The following IKZF2 variants were observed in gnomAD, a reference collection of about 807,000 sequenced individuals.
The protein encoded by IKZF2 is IKAROS family zinc finger 2.
A neutral mutation model predicts 49.2 loss-of-function variants in IKZF2; 15 were observed. That is an observed-to-expected ratio of 0.30 (90% CI 0.20 to 0.47). IKZF2 has a LOEUF of 0.47. Among genes scored for constraint, IKZF2 ranks in the 20% least tolerant of loss-of-function variants. The pLI is 1.00. For synonymous variants in IKZF2, 227 were observed against 221.4 expected (o/e 1.03, Z -0.23); for missense variants, 567 against 664.6 (o/e 0.85, Z 1.61).
At chr2:213,119,670 T>C (rs1458249694) in intron 4 of IKZF2, among the ~76,000 whole-genome samples, 2 of 152,166 alleles carry the variant, frequency 1.3e-5, no homozygotes, top group Non-Finnish European at 2.9e-5. Context: ...CTCTGAGTTA[T>C]AAGAATATGC....
At position 213,137,672 on chromosome 2, in the gene IKZF2, T is replaced by C. The variant is rs367564427; in HGVS notation, c.139+10036A>G. Among the ~76,000 whole-genome samples the C allele has an allele frequency of 6.6e-5, 10 of 152,236 alleles. No individual in the cohort carries two copies. The East Asian group carries it at 1.7e-3, about 26-fold the overall frequency. On this transcript the variant is annotated intron_variant, in intron 4 of 8. Transcript: ENST00000434687. ...AATAATAAGCATATTGGCATAAGTC[T>C]GATTAGAAGACCTATAAGATATTTC...
intron 6 of IKZF2, among the ~76,000 whole-genome samples, chr2:213,045,343 C>A (rs866736954): frequency 1.3e-5 from 2 of 152,196 alleles, no homozygotes; most frequent in South Asian, 2.1e-4. Context: ...TAGCCACTGA[C>A]ACTAGGTATG....
chr2:213,036,850 C>T (rs767849252), intron 6 of IKZF2, among the ~76,000 whole-genome samples: 4 of 152,016 alleles, frequency 2.6e-5, no homozygotes, highest in Non-Finnish European at 5.9e-5. Context: ...TGTGGATGAA[C>T]AGGTTTCTTT....
At chr2:213,064,664 A>C (rs550268733) in intron 4 of IKZF2, among the ~76,000 whole-genome samples, 1 of 152,172 alleles carries the variant, frequency 6.6e-6, no homozygotes, top group East Asian at 1.9e-4. Context: ...ACAGCAGTCT[A>C]TCCCTTTATC....
intron 6 of IKZF2, among the ~76,000 whole-genome samples, chr2:213,048,855 T>C (rs1309981983): frequency 1.3e-5 from 2 of 152,008 alleles, no homozygotes; most frequent in Non-Finnish European, 2.9e-5. Context: ...TTTGTCAATG[T>C]AGATTAAAAT....
intron 6 of IKZF2, among the ~76,000 whole-genome samples, chr2:213,035,164 A>T (rs942767616): frequency 6.6e-6 from 1 of 152,202 alleles, no homozygotes; most frequent in Admixed American, 6.5e-5. Context: ...TACCTAACTC[A>T]CAGCATTTCT....
chr2:213,008,169 C>T (rs906006809), intron 8 of IKZF2, 85 bp from the exon 9 acceptor site: 128 of 1,400,486 alleles, frequency 9.1e-5, no homozygotes, highest in Non-Finnish European at 1.1e-4. Flanking sequence ...TGAAAGGGTA[C>T]GAAGTTGACT....
intron 4 of IKZF2, among the ~76,000 whole-genome samples, chr2:213,065,974 T>A (rs1301609305): frequency 6.6e-6 from 1 of 152,136 alleles, no homozygotes. Flanking sequence ...AAGCCTGTTT[T>A]GGAAGAAGAC....
At chr2:213,015,154 T>C (rs1013428297) in intron 7 of IKZF2, 2 of 152,038 alleles carry the variant, frequency 1.3e-5, no homozygotes, top group African/African-American at 4.8e-5. Flanking sequence ...GTTACCAATT[T>C]TGAAGAAAAT....
intron 4 of IKZF2, among the ~76,000 whole-genome samples, chr2:213,086,796 G>T (rs946795075): frequency 6.6e-6 from 1 of 152,074 alleles, no homozygotes; most frequent in Admixed American, 6.6e-5. Context: ...GGGAGTGGAG[G>T]GGGGAGGAAA....
In IKZF2 at chr2:213,021,193, G is replaced by A. The variant is rs555555769; in HGVS notation, c.712+800C>T. 1.3e-4 allele frequency among the ~76,000 whole-genome samples: 19 copies of A among 151,654 alleles called. No individual in the cohort carries two copies. The South Asian group carries it at 3.5e-3, about 28-fold the overall frequency. On this transcript the variant is annotated intron_variant, in intron 7 of 8. Transcript: ENST00000434687. ...GTGCCACTGCACTCCAGCCTGGGTG[G>A]CAAAGTGAGAGTCCATCTCAAAAAA...
intron 4 of IKZF2, among the ~76,000 whole-genome samples, chr2:213,066,016 A>G (rs1702132152): frequency 6.6e-6 from 1 of 152,094 alleles, no homozygotes; most frequent in Non-Finnish European, 1.5e-5. Context: ...CTGAGCGTGG[A>G]TTTTATTTCA....
intron 6 of IKZF2, among the ~76,000 whole-genome samples, chr2:213,035,618 GTTGAC>G (rs1698943946): frequency 6.6e-6 from 1 of 152,166 alleles, no homozygotes; most frequent in Non-Finnish European, 1.5e-5. Flanking sequence ...CGCTGAAGGT[GTTGAC>G]TTCTAGGATC....
intron 4 of IKZF2, among the ~76,000 whole-genome samples, chr2:213,101,675 A>G (rs894385538): frequency 2.0e-5 from 3 of 152,206 alleles, no homozygotes; most frequent in Non-Finnish European, 2.9e-5. Flanking sequence ...AACGTCTTAT[A>G]ACAATCAGCT....
rs1415438221 is a variant in IKZF2 at position 213,124,248 on chromosome 2, GCGCGCACACACACACACA to G, written c.139+23442_139+23459del. 1.6e-3 allele frequency among the ~76,000 whole-genome samples: 187 copies of G among 115,538 alleles called. 1 individual carries two copies. The highest frequency in any genetic ancestry group is 6.4e-3 in the African/African-American group (169 of 26,402). 75.8% of individuals were successfully genotyped at this position (115,538 alleles called of 152,430 possible). On this transcript the variant is annotated intron_variant, in intron 4 of 8. Coordinates refer to ENST00000434687, the MANE Select transcript of IKZF2 (RefSeq NM_001387220.1). ...TGCACGCACACATGCGCTCGCGCGCGCGCGCACACACACACACACACACACACACACACACACACACAC... is the reference window on the plus strand; with the variant it reads ...TGCACGCACACATGCGCTCGCGCGCGCACACACACACACACACACACACAC...
At chr2:213,129,808 T>C (rs2060412827) in intron 4 of IKZF2, among the ~76,000 whole-genome samples, 1 of 152,200 alleles carries the variant, frequency 6.6e-6, no homozygotes, top group South Asian at 2.1e-4. Flanking sequence ...AAAGTTACAG[T>C]AGCGGGCCTG....
At chr2:213,074,703 TC>T (rs1703072565) in intron 4 of IKZF2, among the ~76,000 whole-genome samples, 1 of 152,172 alleles carries the variant, frequency 6.6e-6, no homozygotes, top group African/African-American at 2.4e-5. Flanking sequence ...TCACTAAGAA[TC>T]TAGATTCTGT....
In IKZF2 at chr2:213,052,204, G is replaced by A. The variant is rs79626641; in HGVS notation, c.407-2324C>T. Among the ~76,000 whole-genome samples, 210 of 151,958 alleles carry A rather than the reference G, an allele frequency of 1.4e-3. 3 individuals are homozygous for A. In the East Asian group the frequency reaches 0.034, roughly 24 times the overall value. The stretch of plus-strand genomic sequence containing the variant: ...ATTTATATGATCATCCCCAAATGGC[G>A]TAGAATAAACAAAAGGTAGTCTAGG... On this transcript the variant is annotated intron_variant, in intron 5 of 8. Coordinates refer to ENST00000434687, the MANE Select transcript of IKZF2 (RefSeq NM_001387220.1).
intron 4 of IKZF2, among the ~76,000 whole-genome samples, chr2:213,137,298 T>C (rs898410658): frequency 2.0e-5 from 3 of 152,104 alleles, no homozygotes; most frequent in Admixed American, 6.5e-5. Context: ...ACACAATCTA[T>C]TGCTGCTTTC....
Sources: allele counts gnomAD v4.1 joint callset (sites outside exome capture counted in the v4.1 genomes callset), GRCh38; gene constraint gnomAD v4.1.1; transcripts MANE v1.5; gene names NCBI Gene and HGNC (gene_info 2026-07-23, HGNC 2026-07-21).